IMPACT: variants seen among roughly 807,000 people sequenced by gnomAD.
IMPACT encodes the protein impact RWD domain protein, also known as protein IMPACT.
In IMPACT, 35 loss-of-function variants were observed where a neutral mutation model predicts 47.5. The observed-to-expected ratio is 0.74, with a 90% CI of 0.56 to 0.98. IMPACT has a LOEUF of 0.98. IMPACT is among the 50% of genes least tolerant of loss of function. IMPACT has a pLI of 0.00. For missense variants in IMPACT, 373 were observed against 394.8 expected, an observed-to-expected ratio of 0.94 and a Z score of 0.47; for synonymous variants, 118 against 125.6, an observed-to-expected ratio of 0.94 and a Z score of 0.40.
At chr18:24,437,202 A>G (rs1470307992) in intron 4 of IMPACT, among the ~76,000 whole-genome samples, 1 of 152,206 alleles carries the variant, frequency 6.6e-6, no homozygotes, top group Non-Finnish European at 1.5e-5. Flanking sequence ...ATCTTTAAAC[A>G]CATACCATAC....
intron 7 of IMPACT, among the ~76,000 whole-genome samples, chr18:24,443,966 T>C (rs1252075406): frequency 6.6e-6 from 1 of 152,216 alleles, no homozygotes; most frequent in East Asian, 1.9e-4. Flanking sequence ...GGCATGAGTC[T>C]CTTCCTTTGG....
intron 6 of IMPACT, 152 bp downstream of exon 6, chr18:24,440,770 G>A (rs1909088220): frequency 2.7e-6 from 2 of 744,292 alleles, no homozygotes; most frequent in Non-Finnish European, 4.0e-6. Context: ...CTGCCTGTTG[G>A]CAATTTTGGT....
chr18:24,438,808 C>T lies in IMPACT; in HGVS notation c.367+768C>T, dbSNP rs563904504. On this transcript the variant is annotated intron_variant, in intron 5 of 10. Coordinates refer to ENST00000284202, the MANE Select transcript of IMPACT (RefSeq NM_018439.4). ...ATTGGTGATATTTACCTTGATGTCT[C>T]GGTTACGGTGGTGTTCGCCAAATGT... Among the ~76,000 whole-genome samples, 421 of 152,078 alleles carry T rather than the reference C, an allele frequency of 2.8e-3. 2 individuals carry two copies. The highest frequency in any genetic ancestry group is 0.014 in the Middle Eastern group (4 of 294).
At chr18:24,444,229 C>G (rs1599766729) in intron 7 of IMPACT, among the ~76,000 whole-genome samples, 1 of 152,174 alleles carries the variant, frequency 6.6e-6, no homozygotes, top group Non-Finnish European at 1.5e-5. Flanking sequence ...TATTCTGGAT[C>G]CTCTTTCTGT....
chr18:24,430,716 C>T (rs112671508), intron 4 of IMPACT, among the ~76,000 whole-genome samples: 1 of 151,972 alleles, frequency 6.6e-6, no homozygotes. Context: ...CTGGGAAATA[C>T]AGTGAGACCC....
At chr18:24,440,401 G>C (rs539006515) in intron 5 of IMPACT, 95 bp from the exon 6 acceptor site, 1 of 1,289,832 alleles carries the variant, frequency 7.8e-7, no homozygotes, top group South Asian at 1.4e-5. Flanking sequence ...TTTCGTTGAA[G>C]AGTGGTATTT....
intron 2 of IMPACT, among the ~76,000 whole-genome samples, chr18:24,428,533 T>C (rs1908670403): frequency 6.6e-6 from 1 of 152,238 alleles, no homozygotes; most frequent in African/African-American, 2.4e-5. Flanking sequence ...GTATGTACTT[T>C]CAACATAAAG....
chr18:24,452,952 T>G lies in IMPACT; in HGVS notation c.*2105T>G, dbSNP rs1909423759. ...TTACACCTGGCTAATTTTTAAAGTT[T>G]TTTTTGTAAAGATAGGGTCTTTCTA... On this transcript the variant is annotated 3_prime_UTR_variant, in exon 11 of 11. Coordinates refer to ENST00000284202, the MANE Select transcript of IMPACT (RefSeq NM_018439.4). The G allele has an allele frequency of 6.6e-6, 1 of 152,200 alleles. No homozygotes were observed. The highest frequency in any genetic ancestry group is 1.5e-5 in the Non-Finnish European group (1 of 68,048). 9.4% of individuals were successfully genotyped at this position (152,200 alleles called of 1,614,324 possible).
At chr18:24,445,634 T>G (rs1402793677) in intron 8 of IMPACT, among the ~76,000 whole-genome samples, 168 bp downstream of exon 8, 3 of 152,240 alleles carry the variant, frequency 2.0e-5, no homozygotes, top group Non-Finnish European at 4.4e-5. Flanking sequence ...AAGGGAAAAA[T>G]CTGGCATTTT....
chr18:24,428,145 C>A, intron 2 of IMPACT, 98 bp downstream of exon 2: 1 of 1,177,782 alleles, frequency 8.5e-7, no homozygotes, highest in Non-Finnish European at 1.2e-6. Flanking sequence ...TCTAAATTAT[C>A]TTTGTTCTTG....
intron 2 of IMPACT, 79 bp from the exon 3 acceptor site, chr18:24,428,790 C>A (rs1352517439): frequency 1.8e-6 from 2 of 1,097,360 alleles, no homozygotes; most frequent in Non-Finnish European, 2.7e-6. Context: ...CCTTTTTTGT[C>A]CAGTTGCTAG....
chr18:24,430,508 A>G, intron 4 of IMPACT, 124 bp downstream of exon 4: 2 of 628,590 alleles, frequency 3.2e-6, no homozygotes, highest in Non-Finnish European at 5.4e-6. Flanking sequence ...CTTTAACAAA[A>G]AGGACTCACT....
intron 4 of IMPACT, among the ~76,000 whole-genome samples, chr18:24,436,715 A>G (rs1425361024): frequency 6.6e-6 from 1 of 151,462 alleles, no homozygotes; most frequent in East Asian, 1.9e-4. Flanking sequence ...CATCTGGCTA[A>G]TTTTTGTATT....
At chr18:24,449,979 A>G (rs761185224) in intron 10 of IMPACT, 26 bp downstream of exon 10, 2 of 1,606,854 alleles carry the variant, frequency 1.2e-6, no homozygotes, top group Non-Finnish European at 8.5e-7. Context: ...TACTACATCT[A>G]GAGAATTTCT....
chr18:24,443,625 G>A (rs1422013744), intron 7 of IMPACT, among the ~76,000 whole-genome samples: 1 of 152,234 alleles, frequency 6.6e-6, no homozygotes, highest in Non-Finnish European at 1.5e-5. Flanking sequence ...TCGAATGGGA[G>A]TTCTGTGAAA....
At chr18:24,448,933 C>T (rs978991726) in intron 9 of IMPACT, among the ~76,000 whole-genome samples, 7 of 152,036 alleles carry the variant, frequency 4.6e-5, no homozygotes, top group Non-Finnish European at 1.0e-4. Context: ...AAGGTAGTTA[C>T]CTGGTTTTTT....
chr18:24,446,529 C>T (rs1169843594), intron 8 of IMPACT, among the ~76,000 whole-genome samples: 2 of 152,222 alleles, frequency 1.3e-5, no homozygotes, highest in African/African-American at 4.8e-5. Flanking sequence ...TTTAAAAGTA[C>T]ATAGTTTAGG....
chr18:24,439,020 C>A (rs1369124252), intron 5 of IMPACT, among the ~76,000 whole-genome samples: 6 of 152,030 alleles, frequency 3.9e-5, no homozygotes, highest in Admixed American at 6.6e-5. Flanking sequence ...GCTGGGGACC[C>A]AGGGAAGAAT....
intron 4 of IMPACT, among the ~76,000 whole-genome samples, chr18:24,437,707 A>G (rs1004273614): frequency 2.6e-5 from 4 of 152,206 alleles, no homozygotes; most frequent in African/African-American, 9.6e-5. Flanking sequence ...CTTTGGTTAC[A>G]GCTCTTCTGC....
Sources: gnomAD v4.1 joint callset for allele counts (sites outside exome capture counted in the v4.1 genomes callset) on GRCh38, gnomAD v4.1.1 for gene constraint, MANE v1.5 for transcripts, NCBI Gene and HGNC (gene_info 2026-07-23, HGNC 2026-07-21) for gene names.